MYLIP: variants seen among roughly 807,000 people sequenced by gnomAD.
The protein encoded by MYLIP is E3 ubiquitin-protein ligase MYLIP.
Under a neutral mutation model 45.8 loss-of-function variants are expected in MYLIP, and 26 were observed. That is an observed-to-expected ratio of 0.57 (90% CI 0.42 to 0.79). The LOEUF (loss-of-function observed/expected upper bound fraction) is 0.79, where lower values mean the gene tolerates loss of function less well. MYLIP is among the 30% of genes least tolerant of loss of function. The pLI is 0.00. For synonymous variants in MYLIP, 213 were observed against 218.1 expected (o/e 0.98, Z 0.21); for missense variants, 494 against 555.6 (o/e 0.89, Z 1.11).
the MYLIP span, chr6:16,161,136 C>T: frequency 2.5e-3 from 419 of 168,510 alleles, 2 homozygotes; most frequent in African/African-American, 9.5e-3. Context: ...AGATCTATTC[C>T]ATCCTCTGCT....
At chr6:16,151,777 C>T (rs552563029), downstream of MYLIP, among the ~76,000 whole-genome samples, 125 of 152,098 alleles carry the variant, frequency 8.2e-4, no homozygotes, top group Middle Eastern at 3.2e-3. Context: ...ACAGACCTGC[C>T]GGTTGCTTAG....
intron 2 of MYLIP, among the ~76,000 whole-genome samples, chr6:16,132,460 A>G (rs1000769979): frequency 2.0e-5 from 3 of 152,222 alleles, no homozygotes; most frequent in Admixed American, 2.0e-4. Flanking sequence ...CAAAGAATGT[A>G]CATACCTAGT....
rs1759440970 is a variant in MYLIP, at chr6:16,130,723, A to G, written c.254A>G (p.His85Arg). ...AGAGTCAAGTTCTTCGTGGAGCCTCATCTCATCTTACAGGAGCAGACTAGG... is the reference window on the plus strand; with the variant it reads ...AGAGTCAAGTTCTTCGTGGAGCCTCGTCTCATCTTACAGGAGCAGACTAGG... Reference protein sequence around the residue: ...KLRVKFFVEPHLILQEQTRHI... With the variant: ...KLRVKFFVEPRLILQEQTRHI... The change falls in exon 2 of 7, where the codon CAT becomes CGT. Residue 85 changes from histidine to arginine, a missense_variant. Physicochemically the swap from His to Arg is conservative, Grantham distance 29 (BLOSUM62 0). Transcript: ENST00000356840. 2 of 1,614,090 alleles carry G rather than the reference A, an allele frequency of 1.2e-6. No homozygotes were observed. Among genetic ancestry groups the G allele is most frequent in the Non-Finnish European group, 1.7e-6 (2 of 1,180,008 alleles).
chr6:16,144,635 C>T (rs1027487105), intron 5 of MYLIP, among the ~76,000 whole-genome samples: 5 of 152,162 alleles, frequency 3.3e-5, no homozygotes, highest in African/African-American at 1.2e-4. Context: ...CACTCAGTAG[C>T]GTCTGTCCTG....
At position 16,130,550 on chromosome 6, in the gene MYLIP, G is replaced by C. The variant is rs778850885; in HGVS notation, c.88-7G>C. On this transcript the variant is annotated splice_polypyrimidine_tract_variant and splice_region_variant and intron_variant, in intron 1 of 6. Coordinates refer to ENST00000356840, the MANE Select transcript of MYLIP (RefSeq NM_013262.4). Reference sequence around the variant, plus strand: ...GCTCATCCAGGCTGCATTCCTTTTTGTTTTAGGTGTGCAGGCGACTGGGAA... The same window carrying C: ...GCTCATCCAGGCTGCATTCCTTTTTCTTTTAGGTGTGCAGGCGACTGGGAA... The C allele has an allele frequency of 2.6e-5, 42 of 1,612,270 alleles. No individual in the cohort carries two copies. The highest frequency in any genetic ancestry group is 3.1e-5 in the Non-Finnish European group (37 of 1,179,310).
chr6:16,144,901 GAC>G lies in MYLIP; in HGVS notation c.836_837del (p.Thr279SerfsTer10). The G allele has an allele frequency of 6.2e-7, 1 of 1,610,756 alleles. No homozygotes were observed. Among genetic ancestry groups the G allele is most frequent in the Non-Finnish European group, 8.5e-7 (1 of 1,177,580 alleles). The stretch of plus-strand genomic sequence containing the variant: ...ATGTTCAATCTTGCCTTGCAGGTGT[GAC>G]ACAGTGACCAGCGCCGTGATGATGC... ...ITETHAFYRCDTVTSAVMMQY... is the reference protein window; with the variant it reads ...ITETHAFYRCXTVTSAVMMQY... On this transcript the variant is annotated frameshift_variant, in exon 6 of 7. Coordinates refer to ENST00000356840, the MANE Select transcript of MYLIP (RefSeq NM_013262.4). LOFTEE classifies it high-confidence loss of function.
the MYLIP span, among the ~76,000 whole-genome samples, chr6:16,155,856 G>A: frequency 1.3e-5 from 2 of 152,214 alleles, no homozygotes; most frequent in Middle Eastern, 3.4e-3. Flanking sequence ...GCCTTTTTGC[G>A]TGAGATAGTT....
chr6:16,140,075 A>G (rs751523998), intron 2 of MYLIP, among the ~76,000 whole-genome samples: 7 of 152,156 alleles, frequency 4.6e-5, no homozygotes, highest in African/African-American at 7.2e-5. Flanking sequence ...ATGTTCCTCT[A>G]CCTGGAATGT....
At chr6:16,153,802 C>T in the MYLIP span, among the ~76,000 whole-genome samples, 8 of 152,254 alleles carry the variant, frequency 5.3e-5, no homozygotes, top group South Asian at 2.1e-4. Flanking sequence ...TCAGGCAGCA[C>T]GTTTTGAAAT....
chr6:16,143,616 C>T, intron 4 of MYLIP, 83 bp from the exon 5 acceptor site: 1 of 1,459,210 alleles, frequency 6.9e-7, no homozygotes, highest in Non-Finnish European at 9.4e-7. Context: ...AGGTCATGAG[C>T]AAATGGGGAT....
At chr6:16,161,772 G>A in the MYLIP span, among the ~76,000 whole-genome samples, 31 of 152,032 alleles carry the variant, frequency 2.0e-4, no homozygotes, top group African/African-American at 5.1e-4. Flanking sequence ...TATATTATCC[G>A]TACAATTTAT....
chr6:16,136,185 A>T (rs1004486930), intron 2 of MYLIP, among the ~76,000 whole-genome samples: 4 of 152,178 alleles, frequency 2.6e-5, no homozygotes, highest in Non-Finnish European at 2.9e-5. Context: ...GAACATTATC[A>T]TCACTCCAGA....
the MYLIP span, among the ~76,000 whole-genome samples, chr6:16,154,022 A>C: frequency 3.9e-5 from 6 of 152,156 alleles, no homozygotes; most frequent in Non-Finnish European, 8.8e-5. Context: ...AGGGTAAGCC[A>C]TACCCCTATG....
At position 16,129,344 on chromosome 6, in the gene MYLIP, C is replaced by T. The variant is rs1759404727; in HGVS notation, c.22C>T (p.Pro8Ser). The T allele has an allele frequency of 6.3e-7, 1 of 1,584,302 alleles. No individual in the cohort carries two copies. Among genetic ancestry groups the T allele is most frequent in the Non-Finnish European group, 8.6e-7 (1 of 1,165,668 alleles). ...AGCCATGCTGTGTTATGTGACGAGGCCGGACGCGGTGCTGATGGAGGTGGA... is the reference window on the plus strand; with the variant it reads ...AGCCATGCTGTGTTATGTGACGAGGTCGGACGCGGTGCTGATGGAGGTGGA... The part of the protein sequence containing the change: MLCYVTR[P>S]DAVLMEVEVE... The change falls in exon 1 of 7, where the codon CCG becomes TCG. Residue 8 changes from proline to serine, a missense_variant. By Grantham distance (74) the Pro-to-Ser change is moderately conservative (BLOSUM62 -1). Transcript: ENST00000356840. The surrounding 1 kb of genome is among the most constrained non-coding windows in gnomAD (Gnocchi z 5.1).
At position 16,141,700 on chromosome 6, in the gene MYLIP, A is replaced by T; in HGVS notation, c.354A>T (p.Glu118Asp). 1.2e-6 allele frequency: 2 copies of T among 1,614,096 alleles called. No individual in the cohort carries two copies. Among genetic ancestry groups the T allele is most frequent in the Non-Finnish European group, 1.7e-6 (2 of 1,179,970 alleles). The change falls in exon 3 of 7, where the codon GAA (glutamate) becomes GAT (aspartate). Residue 118 changes from glutamate (E) to aspartate (D), a missense_variant. Transcript: ENST00000356840. The stretch of plus-strand genomic sequence containing the variant: ...TGTGTTCCCCAGAGCAGGCAGTGGA[A>T]CTCAGTGCCCTCCTGGCCCAGACCA... ...HLLCSPEQAV[E>D]LSALLAQTKF...
In MYLIP at chr6:16,146,579, T is replaced by G. The variant is rs1759794623; in HGVS notation, c.1249-83T>G. ...AATTGATTTAGAAAATTAAATGCAC[T>G]AGAGACCAGGGGTGTGCACAGAGAC... On this transcript the variant is annotated intron_variant, in intron 6 of 6. Transcript: ENST00000356840. The G allele has an allele frequency of 5.8e-6, 6 of 1,034,648 alleles. No individual in the cohort carries two copies. In the Admixed American group the frequency reaches 1.2e-4, roughly 21 times the overall value. 64.1% of individuals were successfully genotyped at this position (1,034,648 alleles called of 1,614,324 possible).
the MYLIP span, among the ~76,000 whole-genome samples, chr6:16,153,594 T>C: frequency 6.6e-6 from 1 of 152,220 alleles, no homozygotes; most frequent in Non-Finnish European, 1.5e-5. Flanking sequence ...TGATTATTCA[T>C]AATAGACATG....
At position 16,146,852 on chromosome 6, in the gene MYLIP, T is replaced by A; in HGVS notation, c.*101T>A. The A allele has an allele frequency of 1.8e-5, 17 of 944,414 alleles. No homozygotes were observed. Among genetic ancestry groups the A allele is most frequent in the Non-Finnish European group, 2.5e-5 (16 of 643,388 alleles). The allele number at this position is 944,414 out of a possible 1,614,324, so 58.5% of individuals were successfully genotyped here. ...GAGAAAGTAATTATTCCAACACCCA[T>A]CTGCCATGCGATGTTAAAAAAAAAA... On this transcript the variant is annotated 3_prime_UTR_variant, in exon 7 of 7. Transcript: ENST00000356840.
the MYLIP span, among the ~76,000 whole-genome samples, chr6:16,153,982 C>G: frequency 6.6e-6 from 1 of 152,040 alleles, no homozygotes; most frequent in Admixed American, 6.5e-5. Flanking sequence ...CTCCCAGCAC[C>G]CTCTCTTCTC....
Sources: allele counts gnomAD v4.1 joint callset (sites outside exome capture counted in the v4.1 genomes callset), GRCh38; gene constraint gnomAD v4.1.1; non-coding constraint Gnocchi (gnomAD v3.1); transcripts MANE v1.5; gene names NCBI Gene and HGNC (gene_info 2026-07-23, HGNC 2026-07-21).